The following C10orf90 variants were observed in gnomAD, a reference collection of about 807,000 sequenced individuals.
C10orf90 encodes chromosome 10 open reading frame 90, also known as (E2-independent) E3 ubiquitin-conjugating enzyme FATS.
A neutral mutation model predicts 62.5 loss-of-function variants in C10orf90; 56 were observed. The observed-to-expected ratio is 0.90, with a 90% CI of 0.72 to 1.12. The LOEUF (loss-of-function observed/expected upper bound fraction) is 1.12. Ranked by LOEUF, C10orf90 falls within the 50% of genes most tolerant of loss-of-function variation. The pLI is 0.00. For synonymous variants in C10orf90, 386 were observed against 340.4 expected, an observed-to-expected ratio of 1.13 and a Z score of -1.47; for missense variants, 970 against 880.4, an observed-to-expected ratio of 1.10 and a Z score of -1.29.
chr10:126,586,395 C>T (rs1844870420), intron 2 of C10orf90, among the ~76,000 whole-genome samples: 2 of 152,150 alleles, frequency 1.3e-5, no homozygotes, highest in South Asian at 4.1e-4. Context: ...CGGAGGTGGC[C>T]CCAAGCCACT....
chr10:126,468,111 G>A (rs902143981), intron 4 of C10orf90, among the ~76,000 whole-genome samples: 3 of 146,160 alleles, frequency 2.1e-5, no homozygotes, highest in Non-Finnish European at 4.5e-5. Context: ...GTCTCGTTCT[G>A]TCACCATGTT....
intron 4 of C10orf90, among the ~76,000 whole-genome samples, chr10:126,467,221 A>C (rs919156779): frequency 1.3e-5 from 2 of 152,330 alleles, no homozygotes; most frequent in South Asian, 4.1e-4. Context: ...GACTTGGAAG[A>C]GTTAAAGCAA....
intron 2 of C10orf90, among the ~76,000 whole-genome samples, chr10:126,618,413 T>C (rs563318011): frequency 2.0e-5 from 3 of 152,292 alleles, no homozygotes; most frequent in African/African-American, 7.2e-5. Flanking sequence ...GCCTCCCGCC[T>C]CCCCACATAC....
intron 4 of C10orf90, among the ~76,000 whole-genome samples, chr10:126,500,160 G>A (rs1012985579): frequency 6.6e-6 from 1 of 152,148 alleles, no homozygotes; most frequent in African/African-American, 2.4e-5. Context: ...GTCTACCGGG[G>A]TAACTGGCAA....
chr10:126,535,235 C>T (rs890871400), intron 2 of C10orf90, among the ~76,000 whole-genome samples: 9 of 151,556 alleles, frequency 5.9e-5, no homozygotes, highest in African/African-American at 1.9e-4. Context: ...AAAAATTTGT[C>T]AGCTGGGTGT....
chr10:126,481,257 C>T (rs1188412664), intron 4 of C10orf90, among the ~76,000 whole-genome samples: 2 of 152,228 alleles, frequency 1.3e-5, no homozygotes, highest in Admixed American at 6.5e-5. Context: ...TACACAAGCT[C>T]TTATCACCAT....
intron 3 of C10orf90, among the ~76,000 whole-genome samples, chr10:126,506,912 G>A (rs1371189511): frequency 7.0e-6 from 1 of 142,388 alleles, no homozygotes; most frequent in Non-Finnish European, 1.5e-5. Context: ...ATGGCTGCAG[G>A]AGGGCCAGTG....
At chr10:126,478,791 A>G (rs1055775665) in intron 4 of C10orf90, among the ~76,000 whole-genome samples, 4 of 152,078 alleles carry the variant, frequency 2.6e-5, no homozygotes, top group African/African-American at 9.7e-5. Flanking sequence ...TGTCCTTTCA[A>G]TGTGCCAACT....
At chr10:126,616,103 C>T (rs1213243559) in intron 2 of C10orf90, among the ~76,000 whole-genome samples, 1 of 152,240 alleles carries the variant, frequency 6.6e-6, no homozygotes, top group African/African-American at 2.4e-5. Context: ...AGGCCCCCCA[C>T]CACCCAAGAC....
intron 2 of C10orf90, among the ~76,000 whole-genome samples, chr10:126,565,685 A>C (rs1844370246): frequency 6.6e-6 from 1 of 151,936 alleles, no homozygotes; most frequent in Admixed American, 6.6e-5. Flanking sequence ...AACAGAAAAC[A>C]AAGGATGAAA....
intron 2 of C10orf90, among the ~76,000 whole-genome samples, chr10:126,584,309 C>T (rs571205654): frequency 1.1e-3 from 174 of 151,952 alleles, no homozygotes; most frequent in Admixed American, 3.5e-3. Context: ...TTTCCACCTG[C>T]TCGTCCATCT....
intron 7 of C10orf90, among the ~76,000 whole-genome samples, chr10:126,432,325 C>A (rs1460446919): frequency 6.6e-6 from 1 of 152,170 alleles, no homozygotes; most frequent in Non-Finnish European, 1.5e-5. Flanking sequence ...CCCATGAGAC[C>A]AATCCAAAAT....
intron 2 of C10orf90, among the ~76,000 whole-genome samples, chr10:126,599,299 C>A (rs1391909270): frequency 6.6e-6 from 1 of 151,730 alleles, no homozygotes; most frequent in African/African-American, 2.4e-5. Context: ...CATTCTCCTG[C>A]CTCAGCCTTC....
chr10:126,465,501 AT>A (rs1860233988), intron 4 of C10orf90, among the ~76,000 whole-genome samples: 1 of 152,098 alleles, frequency 6.6e-6, no homozygotes, highest in Non-Finnish European at 1.5e-5. Context: ...TTATCATGAA[AT>A]AGTAATTTAT....
intron 2 of C10orf90, among the ~76,000 whole-genome samples, chr10:126,588,788 A>G (rs1844924628): frequency 6.6e-6 from 1 of 152,212 alleles, no homozygotes; most frequent in Non-Finnish European, 1.5e-5. Context: ...AAAAAGCCAG[A>G]GTGCCTCTTC....
intron 7 of C10orf90, among the ~76,000 whole-genome samples, chr10:126,457,111 C>T (rs533990212): frequency 6.6e-6 from 1 of 152,304 alleles, no homozygotes; most frequent in African/African-American, 2.4e-5. Context: ...ACCTCAGCCT[C>T]CCAAGTAGCT....
At chr10:126,491,147 G>A (rs1861749722) in intron 4 of C10orf90, among the ~76,000 whole-genome samples, 1 of 152,120 alleles carries the variant, frequency 6.6e-6, no homozygotes, top group African/African-American at 2.4e-5. Context: ...AAAACTACAA[G>A]ACTTTGCTGA....
At chr10:126,458,891 G>C in intron 7 of C10orf90, 149 bp downstream of exon 7, 1 of 833,910 alleles carries the variant, frequency 1.2e-6, no homozygotes, top group Non-Finnish European at 1.8e-6. Context: ...CAGGATTTAT[G>C]ATGCTGAGGG....
intron 2 of C10orf90, among the ~76,000 whole-genome samples, chr10:126,579,858 C>T (rs1177532213): frequency 6.6e-6 from 1 of 152,152 alleles, no homozygotes; most frequent in Non-Finnish European, 1.5e-5. Flanking sequence ...AGGACAACCC[C>T]ACAGTGCAAG....
Sources: allele counts gnomAD v4.1 joint callset (sites outside exome capture counted in the v4.1 genomes callset), GRCh38; gene constraint gnomAD v4.1.1; transcripts MANE v1.5; gene names NCBI Gene and HGNC (gene_info 2026-07-23, HGNC 2026-07-21).